Variants in ARMCX1 observed in about 807,000 individuals in gnomAD.
ARMCX1 encodes armadillo repeat containing X-linked 1.
In ARMCX1, 4 loss-of-function variants were observed where a neutral mutation model predicts 15.4. The observed-to-expected ratio is 0.26, with a 90% CI of 0.13 to 0.59. The LOEUF is 0.59. Ranked by LOEUF, ARMCX1 falls within the 20% of genes least tolerant of loss-of-function variation. The pLI is 0.89. For missense variants in ARMCX1, 273 were observed against 337.1 expected (o/e 0.81, Z 1.49); for synonymous variants, 144 against 130.5 (o/e 1.10, Z -0.71).
chrX:101,553,328 C>T lies in ARMCX1; in HGVS notation c.398C>T (p.Ser133Phe), dbSNP rs782764738. 4 of 1,205,250 alleles carry T rather than the reference C, an allele frequency of 3.3e-6. No individual in the cohort carries two copies. The South Asian group carries it at 5.4e-5, about 16-fold the overall frequency. Residue 133 changes from serine (S) to phenylalanine (F), a missense_variant, in exon 4 of 4, where the codon TCT becomes TTT. This residue lies in a region of ARMCX1 where 147 missense variants were observed against 143.5 expected (regional missense o/e 1.02). Coordinates refer to ENST00000372829, the MANE Select transcript of ARMCX1 (RefSeq NM_016608.2). The part of the protein sequence containing the change: ...AGKGARVGTI[S>F]GNRTLAPSLP... The stretch of plus-strand genomic sequence containing the variant: ...AAAGGGGCTAGGGTGGGTACCATCT[C>T]TGGGAACAGGACCCTTGCACCGAGT...
At position 101,554,515 on chromosome X, in the gene ARMCX1, C is replaced by T. The variant is rs782407983; in HGVS notation, c.*223C>T. 6 of 321,065 alleles carry T rather than the reference C, an allele frequency of 1.9e-5. No homozygotes were observed. The East Asian group carries it at 3.0e-4, about 16-fold the overall frequency. 26.5% of individuals were successfully genotyped at this position (321,065 alleles called of 1,213,427 possible). On this transcript the variant is annotated 3_prime_UTR_variant, in exon 4 of 4. Transcript: ENST00000372829. ...CAAATGAAATATTAGTATTTGTACACAGAAAGAATTTATTGATTTGATCTT... is the reference window on the plus strand; with the variant it reads ...CAAATGAAATATTAGTATTTGTACATAGAAAGAATTTATTGATTTGATCTT...
At position 101,553,245 on chromosome X, in the gene ARMCX1, G is replaced by C; in HGVS notation, c.315G>C (p.Glu105Asp). The C allele has an allele frequency of 5.0e-6, 6 of 1,211,967 alleles. No individual in the cohort carries two copies. Among genetic ancestry groups the C allele is most frequent in the Non-Finnish European group, 6.7e-6 (6 of 895,540 alleles). Residue 105 changes from glutamate to aspartate, a missense_variant, in exon 4 of 4, where the codon GAG becomes GAC. Coordinates refer to ENST00000372829, the MANE Select transcript of ARMCX1 (RefSeq NM_016608.2). The part of the protein sequence containing the change: ...HSGSHSGGGL[E>D]AKAKALFNTL... ...GATCCCACAGCGGAGGTGGCCTAGA[G>C]GCCAAGGCCAAGGCCCTTTTCAACA...
At position 101,552,836 on chromosome X, in the gene ARMCX1, G is replaced by A; in HGVS notation, c.-95G>A. 9.6e-7 allele frequency: 1 copy of A among 1,039,536 alleles called. No homozygotes were observed. The highest frequency in any genetic ancestry group is 1.9e-5 in the African/African-American group (1 of 53,475). 85.7% of individuals were successfully genotyped at this position (1,039,536 alleles called of 1,213,427 possible). A position where few individuals can be genotyped will look rare whatever the true frequency, so the allele number is the denominator to read the frequency against. On this transcript the variant is annotated 5_prime_UTR_variant, in exon 4 of 4. Transcript: ENST00000372829. ...CGAGCTGCCTCAGAGCCGGCCCGCAGTAGCTGCAGACTCCGCCCGCGACGT... is the reference window on the plus strand; with the variant it reads ...CGAGCTGCCTCAGAGCCGGCCCGCAATAGCTGCAGACTCCGCCCGCGACGT...
In ARMCX1 at chrX:101,553,444, A is replaced by G. The variant is rs782166184; in HGVS notation, c.514A>G (p.Lys172Glu). The change falls in exon 4 of 4, where the codon AAG becomes GAG. Residue 172 changes from lysine to glutamate, a missense_variant. Physicochemically the swap from Lys to Glu is moderately conservative, Grantham distance 56. Coordinates refer to ENST00000372829, the MANE Select transcript of ARMCX1 (RefSeq NM_016608.2). ...GGRASGKSKG[K>E]ARSKSTRAPA... ...CAGGGCAAGTGGAAAATCCAAGGGA[A>G]AGGCCCGAAGTAAGAGCACCAGGGC... is the stretch of plus-strand genomic sequence containing the variant. 8.3e-7 allele frequency: 1 copy of G among 1,202,205 alleles called. No homozygotes were observed. The highest frequency in any genetic ancestry group is 2.2e-5 in the Admixed American group (1 of 44,873).
In ARMCX1 at chrX:101,553,888, C is replaced by A; in HGVS notation, c.958C>A (p.His320Asn). ...GTTAACCAACATGACTGTGACTAAT[C>A]ATTACCAACATTTGCTTTCCTATTC... ...RLLTNMTVTNHYQHLLSYSFP... is the reference protein window; with the variant it reads ...RLLTNMTVTNNYQHLLSYSFP... The change falls in exon 4 of 4, where the codon CAT becomes AAT. Residue 320 changes from histidine (H) to asparagine (N), a missense_variant. This residue lies in a region of ARMCX1 where 126 missense variants were observed against 193.6 expected (regional missense o/e 0.65). Coordinates refer to ENST00000372829, the MANE Select transcript of ARMCX1 (RefSeq NM_016608.2). 1 of 1,211,566 alleles carries A rather than the reference C, an allele frequency of 8.3e-7. No homozygotes were observed. Among genetic ancestry groups the A allele is most frequent in the East Asian group, 3.0e-5 (1 of 33,852 alleles).
chrX:101,552,361 A>G (rs1247809389), intron 3 of ARMCX1, among the ~76,000 whole-genome samples: 1 of 111,296 alleles, frequency 9.0e-6, no homozygotes, highest in African/African-American at 3.3e-5. Flanking sequence ...GGAATTCAGA[A>G]GAGGGATGTG....
Position 101,553,450 on chromosome X carries a change from C to G in ARMCX1, c.520C>G (p.Arg174Gly). ...RASGKSKGKA[R>G]SKSTRAPATT... is the part of the protein sequence containing the mutation. ...AAGTGGAAAATCCAAGGGAAAGGCC[C>G]GAAGTAAGAGCACCAGGGCTCCAGC... is the stretch of plus-strand genomic sequence containing the variant. Residue 174 changes from arginine to glycine, a missense_variant, in exon 4 of 4, where the codon CGA becomes GGA. By Grantham distance (125) the Arg-to-Gly change is moderately radical. This residue lies in a region of ARMCX1 where 147 missense variants were observed against 143.5 expected (regional missense o/e 1.02). Transcript: ENST00000372829. 3 of 1,204,998 alleles carry G rather than the reference C, an allele frequency of 2.5e-6. No individual in the cohort carries two copies. The highest frequency in any genetic ancestry group is 3.4e-6 in the Non-Finnish European group (3 of 892,303).
In ARMCX1 at chrX:101,552,937, C is replaced by T. The variant is rs1556027227; in HGVS notation, c.7C>T (p.Arg3Cys). The T allele has an allele frequency of 2.5e-6, 3 of 1,206,587 alleles. No homozygotes were observed. The highest frequency in any genetic ancestry group is 3.5e-5 in the African/African-American group (2 of 57,167). ...GATTTGTCCCAGCTATACCATGGGCCGCACTCGGGAAGCTGGCTGCGTGGC... is the reference window on the plus strand; with the variant it reads ...GATTTGTCCCAGCTATACCATGGGCTGCACTCGGGAAGCTGGCTGCGTGGC... MGRTREAGCVAAG... is the reference protein window; with the variant it reads MGCTREAGCVAAG... Residue 3 changes from arginine to cysteine, a missense_variant, in exon 4 of 4, where the codon CGC (arginine) becomes TGC (cysteine). Arg to Cys is a radical substitution (Grantham distance 180, BLOSUM62 -3). This residue lies in a region of ARMCX1 where 147 missense variants were observed against 143.5 expected (regional missense o/e 1.02). Coordinates refer to ENST00000372829, the MANE Select transcript of ARMCX1 (RefSeq NM_016608.2).
At chrX:101,551,363 G>A (rs1169486691) in intron 2 of ARMCX1, among the ~76,000 whole-genome samples, 1 of 111,013 alleles carries the variant, frequency 9.0e-6, no homozygotes, top group East Asian at 2.8e-4. Context: ...TGAGGGCCGG[G>A]GGCGGGGACG....
At position 101,553,473 on chromosome X, in the gene ARMCX1, A is replaced by G. The variant is rs782781254; in HGVS notation, c.543A>G (p.Pro181=). The part of the protein sequence containing the change: ...GKARSKSTRA[P]ATTWPVRRGK... ...CCCGAAGTAAGAGCACCAGGGCTCC[A>G]GCTACAACATGGCCTGTCCGGAGAG... The change falls in exon 4 of 4, where the codon CCA becomes CCG. Residue 181 remains proline, a synonymous_variant. Transcript: ENST00000372829. The G allele has an allele frequency of 3.6e-5, 44 of 1,207,781 alleles. No individual in the cohort carries two copies. Among genetic ancestry groups the G allele is most frequent in the Non-Finnish European group, 4.8e-5 (43 of 894,258 alleles).
In ARMCX1 at chrX:101,553,109, C is replaced by A; in HGVS notation, c.179C>A (p.Thr60Asn). The A allele has an allele frequency of 8.3e-7, 1 of 1,211,599 alleles. No individual in the cohort carries two copies. ...IGVETVKGAKTNAGAGSGAKL... is the reference protein window; with the variant it reads ...IGVETVKGAKNNAGAGSGAKL... ...GTTGAGACTGTGAAAGGAGCTAAAA[C>A]TAACGCTGGGGCAGGGTCTGGGGCC... Residue 60 changes from threonine to asparagine, a missense_variant, in exon 4 of 4, where the codon ACT becomes AAT. Physicochemically the swap from Thr to Asn is moderately conservative, Grantham distance 65. This residue lies in a region of ARMCX1 where 147 missense variants were observed against 143.5 expected (regional missense o/e 1.02). Coordinates refer to ENST00000372829, the MANE Select transcript of ARMCX1 (RefSeq NM_016608.2).
rs150765680 is a variant in ARMCX1, at chrX:101,553,659, A to G, written c.729A>G (p.Ile243Met). ...CATATTCATTTAACCAGAATGCCATACGTGAATTGGGTGGTGTCCCAATTA... is the reference window on the plus strand; with the variant it reads ...CATATTCATTTAACCAGAATGCCATGCGTGAATTGGGTGGTGTCCCAATTA... ...NAAYSFNQNA[I>M]RELGGVPIIA... The change falls in exon 4 of 4, where the codon ATA (isoleucine) becomes ATG (methionine). Residue 243 changes from isoleucine to methionine, a missense_variant. Around this residue, in one of 2 missense-constraint regions of ARMCX1, gnomAD observed 126 missense variants for 193.6 expected, o/e 0.65. Transcript: ENST00000372829. The G allele has an allele frequency of 6.6e-6, 8 of 1,211,925 alleles. No individual in the cohort carries two copies. The highest frequency in any genetic ancestry group is 7.8e-6 in the Non-Finnish European group (7 of 895,571).
At chrX:101,552,060 G>A (rs1351828428) in intron 3 of ARMCX1, among the ~76,000 whole-genome samples, 1 of 102,555 alleles carries the variant, frequency 9.8e-6, no homozygotes, top group Non-Finnish European at 2.0e-5. Flanking sequence ...AGATGGAGGA[G>A]TTGGCGGAGG....
chrX:101,552,391 T>A (rs782727554), intron 3 of ARMCX1, among the ~76,000 whole-genome samples: 3 of 110,673 alleles, frequency 2.7e-5, no homozygotes, highest in African/African-American at 9.9e-5. Context: ...CCGGGTGAGA[T>A]CTATATGTAC....
Position 101,553,058 on chromosome X carries a change from A to T in ARMCX1, c.128A>T (p.Glu43Val). 12 of 1,211,717 alleles carry T rather than the reference A, an allele frequency of 9.9e-6. No individual in the cohort carries two copies. Among genetic ancestry groups the T allele is most frequent in the Non-Finnish European group, 1.3e-5 (12 of 895,524 alleles). The change falls in exon 4 of 4, where the codon GAG (glutamate) becomes GTG (valine). Residue 43 changes from glutamate (E) to valine (V), a missense_variant. Glu to Val is a moderately radical substitution (Grantham distance 121). Coordinates refer to ENST00000372829, the MANE Select transcript of ARMCX1 (RefSeq NM_016608.2). ...GAGAAAATCTGGGACGAAGACGAGG[A>T]GTCTACGGACACCTCAGAGATTGGG... ...ENEKIWDEDEESTDTSEIGVE... is the reference protein window; with the variant it reads ...ENEKIWDEDEVSTDTSEIGVE...
At position 101,552,885 on chromosome X, in the gene ARMCX1, C is replaced by T; in HGVS notation, c.-46C>T. On this transcript the variant is annotated 5_prime_UTR_variant, in exon 4 of 4. Coordinates refer to ENST00000372829, the MANE Select transcript of ARMCX1 (RefSeq NM_016608.2). Reference sequence around the variant, plus strand: ...GTGTGCGCGCTTCTCTGGGCCAGAGCGAGCCTGTTTTGTGCTCGGGTTAAG... The same window carrying T: ...GTGTGCGCGCTTCTCTGGGCCAGAGTGAGCCTGTTTTGTGCTCGGGTTAAG... 8.5e-7 allele frequency: 1 copy of T among 1,171,852 alleles called. No individual in the cohort carries two copies. Among genetic ancestry groups the T allele is most frequent in the South Asian group, 2.0e-5 (1 of 50,469 alleles).
In ARMCX1 at chrX:101,553,172, G is replaced by A; in HGVS notation, c.242G>A (p.Ser81Asn). The A allele has an allele frequency of 7.4e-6, 9 of 1,212,200 alleles. No homozygotes were observed. Among genetic ancestry groups the A allele is most frequent in the Non-Finnish European group, 1.0e-5 (9 of 895,599 alleles). The stretch of plus-strand genomic sequence containing the variant: ...GATTCAGAGGTCAAGCCTGAGGTGA[G>A]TTTGGGACTCGAGGATTGTCCGGGT... ...QGDSEVKPEV[S>N]LGLEDCPGVK... The change falls in exon 4 of 4, where the codon AGT (serine) becomes AAT (asparagine). Residue 81 changes from serine to asparagine, a missense_variant. Ser to Asn is a conservative substitution (Grantham distance 46). Coordinates refer to ENST00000372829, the MANE Select transcript of ARMCX1 (RefSeq NM_016608.2).
intron 2 of ARMCX1, among the ~76,000 whole-genome samples, chrX:101,551,236 T>C (rs1183757098): frequency 1.5e-4 from 16 of 109,574 alleles, no homozygotes; most frequent in Non-Finnish European, 3.0e-4. Context: ...GATCGGTTGG[T>C]TTTGTTTTTC....
At position 101,553,818 on chromosome X, in the gene ARMCX1, G is replaced by A; in HGVS notation, c.888G>A (p.Met296Ile). 2.5e-6 allele frequency: 3 copies of A among 1,211,634 alleles called. No individual in the cohort carries two copies. The highest frequency in any genetic ancestry group is 2.2e-6 in the Non-Finnish European group (2 of 895,402). The change falls in exon 4 of 4, where the codon ATG becomes ATA. Residue 296 changes from methionine (M) to isoleucine (I), a missense_variant. Around this residue, in one of 2 missense-constraint regions of ARMCX1, gnomAD observed 126 missense variants for 193.6 expected, o/e 0.65. Coordinates refer to ENST00000372829, the MANE Select transcript of ARMCX1 (RefSeq NM_016608.2). ...TYISQVCDDT[M>I]VCRLDSAVQM... is the part of the protein sequence containing the mutation. ...TCAGTCAAGTGTGTGATGACACCAT[G>A]GTCTGTCGCTTGGACTCAGCTGTGC...
Sources: allele counts gnomAD v4.1 joint callset (sites outside exome capture counted in the v4.1 genomes callset), GRCh38; gene constraint gnomAD v4.1.1; regional missense constraint gnomAD v4.1.1; transcripts MANE v1.5; gene names NCBI Gene and HGNC (gene_info 2026-07-23, HGNC 2026-07-21).